Variants in RBM19 observed in about 807,000 individuals in gnomAD.
RBM19 encodes the protein RNA binding motif protein 19.
A neutral mutation model predicts 116.8 loss-of-function variants in RBM19; 94 were observed. The ratio of observed to expected loss-of-function variants is 0.80; its 90% CI spans 0.68 to 0.95. The LOEUF is 0.95. Among genes scored for constraint, RBM19 ranks in the 40% least tolerant of loss-of-function variants. The pLI is 0.00. For synonymous variants in RBM19, 475 were observed against 494.1 expected, an observed-to-expected ratio of 0.96 and a Z score of 0.51; for missense variants, 1,161 against 1,220.7, an observed-to-expected ratio of 0.95 and a Z score of 0.73.
intron 22 of RBM19, among the ~76,000 whole-genome samples, chr12:113,853,099 G>A (rs922660979): frequency 1.3e-5 from 2 of 152,218 alleles, no homozygotes; most frequent in Non-Finnish European, 2.9e-5. Context: ...AACACTCCTC[G>A]AGAGGCCCAG....
At chr12:113,949,994 G>T in intron 9 of RBM19, 89 bp downstream of exon 9, 2 of 1,171,116 alleles carry the variant, frequency 1.7e-6, no homozygotes, top group Non-Finnish European at 1.2e-6. Flanking sequence ...TGGTGGTGGT[G>T]ATGGTGCTGG....
At chr12:113,907,268 G>T (rs576685132) in intron 21 of RBM19, among the ~76,000 whole-genome samples, 21 of 152,204 alleles carry the variant, frequency 1.4e-4, no homozygotes, top group African/African-American at 2.6e-4. Context: ...TTGTTCATTT[G>T]TTTACTGCCC....
chr12:113,826,097 T>C (rs746145104), intron 23 of RBM19, among the ~76,000 whole-genome samples: 11 of 152,220 alleles, frequency 7.2e-5, no homozygotes, highest in Non-Finnish European at 1.2e-4. Flanking sequence ...TCCTTTGGTC[T>C]GGAATGCTCT....
rs527975911 is a variant in RBM19 at position 113,854,823 on chromosome 12, C to T, written c.2664+3968G>A. Among the ~76,000 whole-genome samples, 7 of 152,304 alleles carry T rather than the reference C, an allele frequency of 4.6e-5. No homozygotes were observed. The South Asian group carries it at 1.2e-3, about 27-fold the overall frequency. On this transcript the variant is annotated intron_variant, in intron 22 of 23. Transcript: ENST00000261741. ...GTGCTGGAGTTTAGCAAATGCTCAG[C>T]GAGACTGGGGAGGGAGACTGGATGC...
chr12:113,865,336 C>A (rs1374866375), intron 21 of RBM19, among the ~76,000 whole-genome samples: 1 of 152,222 alleles, frequency 6.6e-6, no homozygotes, highest in Non-Finnish European at 1.5e-5. Flanking sequence ...GCCACCTCCT[C>A]AAAGAGGCCT....
intron 21 of RBM19, among the ~76,000 whole-genome samples, chr12:113,869,996 C>A (rs1206720273): frequency 6.6e-6 from 1 of 152,222 alleles, no homozygotes; most frequent in Admixed American, 6.5e-5. Flanking sequence ...CACGTCAACA[C>A]CAAATCTAGA....
chr12:113,843,925 C>G (rs969217232), intron 23 of RBM19, among the ~76,000 whole-genome samples: 5 of 152,242 alleles, frequency 3.3e-5, no homozygotes, highest in Admixed American at 2.0e-4. Context: ...GGGGTCTCCC[C>G]TGCCCCTGGC....
chr12:113,845,134 CG>C (rs1565970618), intron 22 of RBM19, among the ~76,000 whole-genome samples: 2 of 152,156 alleles, frequency 1.3e-5, no homozygotes, highest in African/African-American at 4.8e-5. Flanking sequence ...GTCTGCATGG[CG>C]GCCACTTGAG....
chr12:113,892,054 C>T lies in RBM19; in HGVS notation c.2558+22915G>A, dbSNP rs190978077. The stretch of plus-strand genomic sequence containing the variant: ...AACTCCTGTAAAGAAAGGATCAGCC[C>T]GGTGTAACTTACTCTGTGAGCTGAG... On this transcript the variant is annotated intron_variant, in intron 21 of 23. Coordinates refer to ENST00000261741, the MANE Select transcript of RBM19 (RefSeq NM_016196.4). Among the ~76,000 whole-genome samples the T allele has an allele frequency of 1.2e-4, 19 of 152,226 alleles. 1 individual carries two copies. Among genetic ancestry groups the T allele is most frequent in the East Asian group, 7.7e-4 (4 of 5,180 alleles).
At chr12:113,961,398 A>G (rs780341993) in intron 2 of RBM19, among the ~76,000 whole-genome samples, 6 of 152,182 alleles carry the variant, frequency 3.9e-5, no homozygotes, top group Non-Finnish European at 5.9e-5. Flanking sequence ...CTCACGGTAC[A>G]AAATTCAAAT....
At chr12:113,885,935 C>A (rs973120301) in intron 21 of RBM19, among the ~76,000 whole-genome samples, 11 of 142,458 alleles carry the variant, frequency 7.7e-5, no homozygotes, top group Non-Finnish European at 1.5e-4. Flanking sequence ...GTGGTGCAAT[C>A]TTGGCTCACT....
At chr12:113,937,934 C>A (rs534347131) in intron 15 of RBM19, among the ~76,000 whole-genome samples, 2 of 152,226 alleles carry the variant, frequency 1.3e-5, no homozygotes, top group African/African-American at 2.4e-5. Context: ...GAAAGCCTTG[C>A]AAATCAGTTA....
chr12:113,915,629 G>T lies in RBM19; in HGVS notation c.2442-544C>A, dbSNP rs578234463. ...CTCCCACTCCACCAAAACAGGGTAGGGAAGTGAGCAAGGCTGGGAGTTAAC... is the reference window on the plus strand; with the variant it reads ...CTCCCACTCCACCAAAACAGGGTAGTGAAGTGAGCAAGGCTGGGAGTTAAC... On this transcript the variant is annotated intron_variant, in intron 20 of 23. Transcript: ENST00000261741. 2.0e-5 allele frequency among the ~76,000 whole-genome samples: 3 copies of T among 152,282 alleles called. No individual in the cohort carries two copies. In the East Asian group the frequency reaches 5.8e-4, roughly 29 times the overall value.
intron 21 of RBM19, among the ~76,000 whole-genome samples, chr12:113,884,110 A>G (rs1319779557): frequency 7.0e-6 from 1 of 142,388 alleles, no homozygotes; most frequent in African/African-American, 2.6e-5. Context: ...CTCCATCTCT[A>G]CCAAAAAAAA....
intron 21 of RBM19, among the ~76,000 whole-genome samples, chr12:113,892,314 ATAT>A (rs1019615936): frequency 1.3e-5 from 2 of 152,108 alleles, no homozygotes; most frequent in African/African-American, 4.8e-5. Context: ...TGCGGTGGTG[ATAT>A]TAATACCAGC....
rs1228918204 is a variant in RBM19 at position 113,937,101 on chromosome 12, T to A, written c.1974A>T (p.Pro658=). 6.2e-7 allele frequency: 1 copy of A among 1,614,066 alleles called. No individual in the cohort carries two copies. Among genetic ancestry groups the A allele is most frequent in the Non-Finnish European group, 8.5e-7 (1 of 1,179,970 alleles). The stretch of plus-strand genomic sequence containing the variant: ...GGGCTGTGCTGGAGAAGACGCCAAC[T>A]GGAGCCCACTCCAGATAGAGGGGGA... The part of the protein sequence containing the change: ...HHVPLYLEWA[P]VGVFSSTAPQ... The change falls in exon 16 of 24, where the codon CCA becomes CCT. Residue 658 remains proline, a synonymous_variant. Transcript: ENST00000261741.
At position 113,962,271 on chromosome 12, in the gene RBM19, C is replaced by T. The variant is rs1022723790; in HGVS notation, c.180G>A (p.Lys60=). The change falls in exon 2 of 24, where the codon AAG becomes AAA. Residue 60 remains lysine (K), a synonymous_variant. Transcript: ENST00000261741. ...KSEEEAQKAQ[K]HFNKSFIDTS... ...TGTCGATGAAGCTCTTGTTGAAATGCTTCTGTGCCTTCTGGGCCTCTTCCT... is the reference window on the plus strand; with the variant it reads ...TGTCGATGAAGCTCTTGTTGAAATGTTTCTGTGCCTTCTGGGCCTCTTCCT... The T allele has an allele frequency of 4.3e-6, 7 of 1,614,146 alleles. No homozygotes were observed. The highest frequency in any genetic ancestry group is 5.9e-6 in the Non-Finnish European group (7 of 1,180,056).
Position 113,937,055 on chromosome 12 carries a change from C to T in RBM19, c.2020G>A (p.Asp674Asn). The T allele has an allele frequency of 1.2e-6, 2 of 1,614,106 alleles. No individual in the cohort carries two copies. The highest frequency in any genetic ancestry group is 1.3e-5 in the African/African-American group (1 of 75,024). Reference sequence around the variant, plus strand: ...TTTTCCATGGGTTCTGAAGGTGTGTCTTGGAGCTTTTTCTTCTGTGGGGCT... The same window carrying T: ...TTTTCCATGGGTTCTGAAGGTGTGTTTTGGAGCTTTTTCTTCTGTGGGGCT... ...STAPQKKKLQ[D>N]TPSEPMEKDP... The change falls in exon 16 of 24, where the codon GAC (aspartate) becomes AAC (asparagine). Residue 674 changes from aspartate (D) to asparagine (N), a missense_variant. Coordinates refer to ENST00000261741, the MANE Select transcript of RBM19 (RefSeq NM_016196.4).
rs531739309 is a variant in RBM19 at position 113,909,207 on chromosome 12, C to CA, written c.2558+5761dup. On this transcript the variant is annotated intron_variant, in intron 21 of 23. Coordinates refer to ENST00000261741, the MANE Select transcript of RBM19 (RefSeq NM_016196.4). ...GCCTGATTATAGCTCACTGCAAACT[C>CA]AGACTCCCAGACTCAAACAATTTTC... Among the ~76,000 whole-genome samples the CA allele has an allele frequency of 6.4e-4, 98 of 152,274 alleles. 1 individual carries two copies. Among genetic ancestry groups the CA allele is most frequent in the African/African-American group, 2.2e-3 (92 of 41,552 alleles).
Sources: allele counts gnomAD v4.1 joint callset (sites outside exome capture counted in the v4.1 genomes callset), GRCh38; gene constraint gnomAD v4.1.1; transcripts MANE v1.5; gene names NCBI Gene and HGNC (gene_info 2026-07-23, HGNC 2026-07-21).